Variants in SNX9 observed in about 807,000 individuals in gnomAD.
The protein encoded by SNX9 is sorting nexin-9.
SNX9 carries 44 observed loss-of-function variants against 89.4 expected under a neutral mutation model. That is an observed-to-expected ratio of 0.49 (90% CI 0.39 to 0.63). SNX9 has a LOEUF of 0.63. Among genes scored for constraint, SNX9 ranks in the 30% least tolerant of loss-of-function variants. The pLI is 0.00. For synonymous variants in SNX9, 236 were observed against 247.8 expected (o/e 0.95, Z 0.45); for missense variants, 578 against 736.1 (o/e 0.79, Z 2.49).
intron 3 of SNX9, among the ~76,000 whole-genome samples, chr6:157,873,954 C>G (rs990799041): frequency 6.6e-6 from 1 of 152,178 alleles, no homozygotes. Flanking sequence ...CCCTCCAAAC[C>G]GAGCGAAGGT....
At chr6:157,898,284 T>C (rs534017367) in intron 5 of SNX9, among the ~76,000 whole-genome samples, 2 of 152,364 alleles carry the variant, frequency 1.3e-5, no homozygotes, top group African/African-American at 2.4e-5. Flanking sequence ...GTCTTACTTA[T>C]CTGTGTGAAG....
At chr6:157,868,036 A>G (rs1782304319) in intron 2 of SNX9, among the ~76,000 whole-genome samples, 1 of 152,206 alleles carries the variant, frequency 6.6e-6, no homozygotes, top group African/African-American at 2.4e-5. Context: ...TCTCTAGAAT[A>G]AGTAAAAGAT....
chr6:157,843,300 A>G (rs1583194938), intron 1 of SNX9, among the ~76,000 whole-genome samples: 2 of 152,188 alleles, frequency 1.3e-5, no homozygotes, highest in South Asian at 4.1e-4. Flanking sequence ...AAATTAAAGT[A>G]TAACTTTCGA....
chr6:157,876,332 A>G lies in SNX9; in HGVS notation c.300+1156A>G, dbSNP rs779365778. ...CTAGGTGTGGTGGCAGGCACCTGTAATCCAAGCTGCTCGGGGGGCTGAAGC... is the reference window on the plus strand; with the variant it reads ...CTAGGTGTGGTGGCAGGCACCTGTAGTCCAAGCTGCTCGGGGGGCTGAAGC... On this transcript the variant is annotated intron_variant, in intron 4 of 17. Transcript: ENST00000392185. Among the ~76,000 whole-genome samples the G allele has an allele frequency of 3.9e-4, 60 of 152,234 alleles. 1 individual carries two copies. In the Middle Eastern group the frequency reaches 0.014, roughly 35 times the overall value.
chr6:157,940,854 A>G, intron 16 of SNX9, 29 bp from the exon 17 acceptor site: 1 of 1,603,508 alleles, frequency 6.2e-7, no homozygotes, highest in Non-Finnish European at 8.5e-7. Context: ...TTGAGGGAAA[A>G]CTGATTGATG....
intron 1 of SNX9, among the ~76,000 whole-genome samples, chr6:157,838,240 T>A (rs898703796): frequency 6.6e-6 from 1 of 152,036 alleles, no homozygotes; most frequent in South Asian, 2.1e-4. Flanking sequence ...CTTGAACTCC[T>A]GGGCTCAAGC....
intron 5 of SNX9, among the ~76,000 whole-genome samples, chr6:157,898,863 C>T (rs961143285): frequency 5.9e-5 from 9 of 152,204 alleles, no homozygotes; most frequent in African/African-American, 2.2e-4. Context: ...ACAGGAGCTG[C>T]CTGTCAGCAG....
chr6:157,851,571 C>T (rs943850365), intron 1 of SNX9, among the ~76,000 whole-genome samples: 7 of 152,098 alleles, frequency 4.6e-5, no homozygotes, highest in Non-Finnish European at 1.0e-4. Context: ...AGGTATCTCA[C>T]ATAGTGGAAT....
intron 16 of SNX9, 119 bp downstream of exon 16, chr6:157,938,866 C>T (rs950485301): frequency 3.1e-6 from 2 of 652,674 alleles, no homozygotes; most frequent in Non-Finnish European, 5.4e-6. Flanking sequence ...ACCTTTTAAG[C>T]CCCTCGTTTG....
intron 4 of SNX9, among the ~76,000 whole-genome samples, chr6:157,877,283 G>A (rs573533961): frequency 3.3e-5 from 5 of 151,842 alleles, no homozygotes; most frequent in African/African-American, 1.2e-4. Flanking sequence ...AAAAAAAGCG[G>A]GGGGGGCATC....
At chr6:157,891,027 CTTTTTTTTTTTTT>C (rs67186551) in intron 4 of SNX9, among the ~76,000 whole-genome samples, 1 of 114,940 alleles carries the variant, frequency 8.7e-6, no homozygotes, top group African/African-American at 3.5e-5. Context: ...TTTTCTTTCT[CTTTTTTTTTTTTT>C]TTTTTTTTTG....
At chr6:157,894,514 G>C (rs1782938944) in intron 4 of SNX9, among the ~76,000 whole-genome samples, 1 of 149,856 alleles carries the variant, frequency 6.7e-6, no homozygotes, top group Admixed American at 6.6e-5. Flanking sequence ...TTTGCCTCAA[G>C]GGTGGGATGG....
intron 17 of SNX9, 27 bp from the exon 18 acceptor site, chr6:157,942,764 C>A: frequency 1.2e-6 from 2 of 1,612,622 alleles, no homozygotes; most frequent in Non-Finnish European, 1.7e-6. Flanking sequence ...GATATCTCAA[C>A]GTTGTTTTGT....
At chr6:157,825,283 G>T (rs1781322148) in intron 1 of SNX9, among the ~76,000 whole-genome samples, 1 of 152,174 alleles carries the variant, frequency 6.6e-6, no homozygotes, top group Non-Finnish European at 1.5e-5. Flanking sequence ...TGAAAAAAGA[G>T]AAGACGGTTT....
chr6:157,873,084 T>C lies in SNX9; in HGVS notation c.100-18T>C. On this transcript the variant is annotated intron_variant, in intron 2 of 17. Transcript: ENST00000392185. ...CTGTAATCTTTTTCTTTTTTTTTTT[T>C]TTTTGGTGACTTATTAGGATGTAGG... The C allele has an allele frequency of 6.5e-7, 1 of 1,535,068 alleles. No homozygotes were observed. Among genetic ancestry groups the C allele is most frequent in the Non-Finnish European group, 8.7e-7 (1 of 1,150,380 alleles).
Position 157,935,367 on chromosome 6 carries a change from G to A in SNX9, c.1367-597G>A, listed in dbSNP as rs115378133. Among the ~76,000 whole-genome samples, 458 of 152,310 alleles carry A rather than the reference G, an allele frequency of 3.0e-3. 1 individual carries two copies. Among genetic ancestry groups the A allele is most frequent in the African/African-American group, 0.01 (423 of 41,556 alleles). ...GAGTAGAAATAACTGAACTGGTGGT[G>A]TGTGACTCTGATCAGGCCTCTAGGT... On this transcript the variant is annotated intron_variant, in intron 13 of 17. Transcript: ENST00000392185.
At chr6:157,893,732 A>G (rs939821652) in intron 4 of SNX9, among the ~76,000 whole-genome samples, 4 of 152,106 alleles carry the variant, frequency 2.6e-5, no homozygotes, top group African/African-American at 9.7e-5. Flanking sequence ...ATTTTAATCA[A>G]TTTTCTATGA....
Position 157,841,209 on chromosome 6 carries a change from G to A in SNX9, c.12+17763G>A, listed in dbSNP as rs536714512. ...CTTTATTCTTTCATGGTTCCATTAAGTGATTATTTTTAATATGAATTAGAT... is the reference window on the plus strand; with the variant it reads ...CTTTATTCTTTCATGGTTCCATTAAATGATTATTTTTAATATGAATTAGAT... On this transcript the variant is annotated intron_variant, in intron 1 of 17. Coordinates refer to ENST00000392185, the MANE Select transcript of SNX9 (RefSeq NM_016224.5). Among the ~76,000 whole-genome samples, 41 of 152,298 alleles carry A rather than the reference G, an allele frequency of 2.7e-4. 1 individual carries two copies. In the South Asian group the frequency reaches 8.3e-3, roughly 31 times the overall value.
intron 5 of SNX9, among the ~76,000 whole-genome samples, chr6:157,901,528 A>G (rs1772576562): frequency 6.6e-6 from 1 of 151,870 alleles, no homozygotes; most frequent in Admixed American, 6.6e-5. Context: ...GTGGTGTAAG[A>G]CAAGGTCCAG....
Sources: allele counts gnomAD v4.1 joint callset (sites outside exome capture counted in the v4.1 genomes callset), GRCh38; gene constraint gnomAD v4.1.1; transcripts MANE v1.5; gene names NCBI Gene and HGNC (gene_info 2026-07-23, HGNC 2026-07-21).